AFF3: variants seen among roughly 807,000 people sequenced by gnomAD.
AFF3 encodes ALF transcription elongation factor 3, also known as AF4/FMR2 family member 3.
AFF3 carries 32 observed loss-of-function variants against 129.7 expected under a neutral mutation model. The ratio of observed to expected loss-of-function variants is 0.25; its 90% CI spans 0.19 to 0.33. AFF3 has a LOEUF of 0.33. AFF3 is among the 10% of genes least tolerant of loss of function. The pLI, the probability that AFF3 is intolerant of heterozygous loss-of-function variation, is 1.00. For synonymous variants in AFF3, 644 were observed against 635.4 expected (o/e 1.01, Z -0.20); for missense variants, 1,373 against 1,592.0 (o/e 0.86, Z 2.34).
At chr2:100,046,427 A>G (rs1685841417) in intron 4 of AFF3, among the ~76,000 whole-genome samples, 1 of 152,176 alleles carries the variant, frequency 6.6e-6, no homozygotes, top group Admixed American at 6.5e-5. Context: ...AGGCTGTAGG[A>G]AAAAGAGGAG....
intron 12 of AFF3, among the ~76,000 whole-genome samples, chr2:99,659,877 C>T (rs909663153): frequency 6.6e-6 from 1 of 152,154 alleles, no homozygotes; most frequent in Non-Finnish European, 1.5e-5. Flanking sequence ...CCAATCCCTC[C>T]ACCAGATGAA....
chr2:99,731,512 C>T (rs1320821403), intron 10 of AFF3, among the ~76,000 whole-genome samples: 1 of 151,946 alleles, frequency 6.6e-6, no homozygotes, highest in Non-Finnish European at 1.5e-5. Context: ...TCTATCCTTC[C>T]CTCCCACCTC....
intron 13 of AFF3, among the ~76,000 whole-genome samples, chr2:99,624,512 T>A (rs1266241007): frequency 6.6e-6 from 1 of 152,140 alleles, no homozygotes; most frequent in East Asian, 1.9e-4. Flanking sequence ...TAATGGTGTT[T>A]AAAAACAGAG....
chr2:99,712,365 T>C (rs1677971783), intron 11 of AFF3, among the ~76,000 whole-genome samples: 1 of 152,260 alleles, frequency 6.6e-6, no homozygotes, highest in East Asian at 1.9e-4. Context: ...ATCTGTAAAT[T>C]GAGGAAAGAC....
chr2:99,595,686 C>T (rs1679215936), intron 14 of AFF3, among the ~76,000 whole-genome samples: 1 of 152,154 alleles, frequency 6.6e-6, no homozygotes, highest in African/African-American at 2.4e-5. Context: ...GGCTCTTGGC[C>T]TCACCCCAGG....
Position 99,786,266 on chromosome 2 carries a change from C to T in AFF3, c.922-33965G>A, listed in dbSNP as rs141347915. 4.5e-3 allele frequency among the ~76,000 whole-genome samples: 679 copies of T among 152,236 alleles called. 2 individuals are homozygous for T. The highest frequency in any genetic ancestry group is 6.8e-3 in the Middle Eastern group (2 of 294). On this transcript the variant is annotated intron_variant, in intron 8 of 24. Coordinates refer to ENST00000672756, the MANE Select transcript of AFF3 (RefSeq NM_001386135.1). ...CAGTTTCCTCATCTGTAAATGGGGA[C>T]TGGAGATTGATAACGGTATTTGACT...
rs1559456311 is a variant in AFF3 at position 99,545,420 on chromosome 2, AG to A, written c.*6053del. ...TTGAAAAAGCAACGATAAGGAAACTAGAACATTGATATTATTTTAATTACCC... is the reference window on the plus strand; with the variant it reads ...TTGAAAAAGCAACGATAAGGAAACTAAACATTGATATTATTTTAATTACCC... On this transcript the variant is annotated 3_prime_UTR_variant, in exon 25 of 25. Transcript: ENST00000672756. The A allele has an allele frequency of 3.9e-5, 6 of 152,246 alleles. No individual in the cohort carries two copies. Among genetic ancestry groups the A allele is most frequent in the Admixed American group, 3.9e-4 (6 of 15,288 alleles). The allele number at this position is 152,246 out of a possible 1,614,324, so 9.4% of individuals were successfully genotyped here. A position where few individuals can be genotyped will look rare whatever the true frequency, so the allele number is the denominator to read the frequency against.
chr2:99,779,213 G>A (rs1367493868), intron 8 of AFF3, among the ~76,000 whole-genome samples: 1 of 152,062 alleles, frequency 6.6e-6, no homozygotes, highest in Non-Finnish European at 1.5e-5. Flanking sequence ...TCTGTTCCTG[G>A]TTTGTTGGGT....
At chr2:99,583,658 G>A (rs1304026614) in intron 16 of AFF3, among the ~76,000 whole-genome samples, 2 of 151,782 alleles carry the variant, frequency 1.3e-5, no homozygotes, top group African/African-American at 4.8e-5. Flanking sequence ...TTACAGACAT[G>A]AGCCATCGTG....
intron 8 of AFF3, among the ~76,000 whole-genome samples, chr2:99,798,132 G>A (rs1342236074): frequency 6.6e-6 from 1 of 152,032 alleles, no homozygotes; most frequent in African/African-American, 2.4e-5. Flanking sequence ...TGGGGAAGGA[G>A]TAATGAAGAA....
chr2:99,835,171 C>T (rs10176509), intron 8 of AFF3, among the ~76,000 whole-genome samples: 94,065 of 152,014 alleles, frequency 0.62, 30,433 homozygotes, highest in South Asian at 0.79. Context: ...CTCCTTTTCC[C>T]GGTGGATCCC....
chr2:99,666,725 A>G (rs1686706957), intron 12 of AFF3, among the ~76,000 whole-genome samples: 1 of 152,240 alleles, frequency 6.6e-6, no homozygotes, highest in Non-Finnish European at 1.5e-5. Flanking sequence ...ACATTATGAA[A>G]GCATTAATCA....
At chr2:99,797,889 C>T (rs1000078404) in intron 8 of AFF3, among the ~76,000 whole-genome samples, 3 of 152,002 alleles carry the variant, frequency 2.0e-5, no homozygotes, top group Non-Finnish European at 2.9e-5. Flanking sequence ...CCAGCAGATC[C>T]GCACTATGGA....
intron 8 of AFF3, among the ~76,000 whole-genome samples, chr2:99,832,544 G>A (rs1372816541): frequency 6.6e-6 from 1 of 152,268 alleles, no homozygotes; most frequent in Non-Finnish European, 1.5e-5. Context: ...GCAGGTAGAA[G>A]TGGAGCCCTT....
intron 4 of AFF3, among the ~76,000 whole-genome samples, chr2:100,017,470 C>T (rs1329485797): frequency 2.0e-5 from 3 of 152,194 alleles, no homozygotes; most frequent in Non-Finnish European, 1.5e-5. Context: ...ACCTGTTCTA[C>T]CAGAGCAGGA....
At position 100,080,597 on chromosome 2, in the gene AFF3, AT is replaced by A. The variant is rs200410682; in HGVS notation, c.53+23804del. On this transcript the variant is annotated intron_variant, in intron 4 of 24. Coordinates refer to ENST00000672756, the MANE Select transcript of AFF3 (RefSeq NM_001386135.1). ...AAAGGACAGTCTATTAGCAAAAAAAATATATACATATATATTAAGGCAAGAC... is the reference window on the plus strand; with the variant it reads ...AAAGGACAGTCTATTAGCAAAAAAAAATATACATATATATTAAGGCAAGAC... 2.3e-3 allele frequency among the ~76,000 whole-genome samples: 345 copies of A among 152,280 alleles called. 14 individuals are homozygous for A. In the East Asian group the frequency reaches 0.055, roughly 24 times the overall value.
At chr2:99,556,970 A>G (rs75388624) in intron 22 of AFF3, among the ~76,000 whole-genome samples, 5,378 of 152,194 alleles carry the variant, frequency 0.035, 323 homozygotes, top group African/African-American at 0.12. Flanking sequence ...ATCAGGAATA[A>G]GTTCTGGAGA....
chr2:99,854,296 C>A (rs1002355432), intron 7 of AFF3, among the ~76,000 whole-genome samples: 3 of 151,724 alleles, frequency 2.0e-5, no homozygotes, highest in African/African-American at 4.8e-5. Flanking sequence ...TGTGCATGGC[C>A]TCATGCAATG....
At chr2:99,590,480 C>T (rs1289674110) in intron 15 of AFF3, among the ~76,000 whole-genome samples, 5 of 152,190 alleles carry the variant, frequency 3.3e-5, no homozygotes, top group Admixed American at 3.3e-4. Context: ...GGGTGATGCA[C>T]ACCACTATGG....
Sources: gnomAD v4.1 joint callset for allele counts (sites outside exome capture counted in the v4.1 genomes callset) on GRCh38, gnomAD v4.1.1 for gene constraint, MANE v1.5 for transcripts, NCBI Gene and HGNC (gene_info 2026-07-23, HGNC 2026-07-21) for gene names.